SDHC: variants seen among roughly 807,000 people sequenced by gnomAD.
SDHC encodes succinate dehydrogenase complex subunit C, also known as succinate dehydrogenase cytochrome b560 subunit, mitochondrial.
SDHC carries 11 observed loss-of-function variants against 22.6 expected under a neutral mutation model. The observed-to-expected ratio is 0.49, with a 90% confidence interval of 0.31 to 0.81. The LOEUF (loss-of-function observed/expected upper bound fraction) is 0.81. Ranked by LOEUF, SDHC falls within the 30% of genes least tolerant of loss-of-function variation. The pLI, the probability that SDHC is intolerant of heterozygous loss-of-function variation, is 0.05. For missense variants in SDHC, 160 were observed against 212.0 expected (o/e 0.75, Z 1.52); for synonymous variants, 80 against 77.8 (o/e 1.03, Z -0.15).
chr1:161,350,304 G>A (rs1388114380), intron 4 of SDHC, among the ~76,000 whole-genome samples: 1 of 152,162 alleles, frequency 6.6e-6, no homozygotes, highest in East Asian at 1.9e-4. Flanking sequence ...GCCTACCTTG[G>A]CCTCCCAAAG....
intron 3 of SDHC, among the ~76,000 whole-genome samples, chr1:161,332,997 G>A (rs1671339069): frequency 6.6e-6 from 1 of 152,100 alleles, no homozygotes; most frequent in African/African-American, 2.4e-5. Flanking sequence ...ACCACCAATC[G>A]TTTGTCCCTC....
At chr1:161,333,350 G>T (rs1671352824) in intron 3 of SDHC, among the ~76,000 whole-genome samples, 1 of 151,176 alleles carries the variant, frequency 6.6e-6, no homozygotes, top group Non-Finnish European at 1.5e-5. Context: ...TTTCTCTTGG[G>T]TATATACCTA....
intron 3 of SDHC, among the ~76,000 whole-genome samples, chr1:161,333,086 A>G (rs767626548): frequency 6.6e-6 from 1 of 152,248 alleles, no homozygotes; most frequent in Admixed American, 6.5e-5. Flanking sequence ...ATGTAGTGAT[A>G]AAATATGTGG....
intron 4 of SDHC, among the ~76,000 whole-genome samples, chr1:161,347,658 G>A (rs1671948731): frequency 6.6e-6 from 1 of 151,854 alleles, no homozygotes; most frequent in Admixed American, 6.6e-5. Flanking sequence ...ACAAGGTCAA[G>A]AGATCAAGAC....
chr1:161,342,426 A>G (rs1671751864), intron 4 of SDHC, among the ~76,000 whole-genome samples: 1 of 152,190 alleles, frequency 6.6e-6, no homozygotes, highest in Non-Finnish European at 1.5e-5. Context: ...GGCAAAGGAA[A>G]ATGAGCTTAT....
Position 161,362,711 on chromosome 1 carries a change from A to G in SDHC, c.*278A>G, listed in dbSNP as rs1160822914. On this transcript the variant is annotated 3_prime_UTR_variant, in exon 6 of 6. Transcript: ENST00000367975. ...GCCTAGAAGCAGTTATTCTCTCTCC[A>G]TATTGGGCTTTGATTTGTGCTGAGG... is the stretch of plus-strand genomic sequence containing the variant. 7 of 600,846 alleles carry G rather than the reference A, an allele frequency of 1.2e-5. No homozygotes were observed. The highest frequency in any genetic ancestry group is 6.0e-5 in the South Asian group (3 of 50,312). The allele number at this position is 600,846 out of a possible 1,614,324, so 37.2% of individuals were successfully genotyped here.
At chr1:161,325,571 T>A (rs1161722022) in intron 2 of SDHC, among the ~76,000 whole-genome samples, 2 of 152,068 alleles carry the variant, frequency 1.3e-5, no homozygotes, top group Non-Finnish European at 2.9e-5. Flanking sequence ...TTCCAGCTAC[T>A]CGGGAAGCTG....
intron 3 of SDHC, among the ~76,000 whole-genome samples, chr1:161,338,646 G>A (rs1671584520): frequency 6.6e-6 from 1 of 152,134 alleles, no homozygotes. Flanking sequence ...CCAGAAGATT[G>A]GATATAAAAA....
chr1:161,336,487 T>C (rs918006761), intron 3 of SDHC, among the ~76,000 whole-genome samples: 1 of 151,826 alleles, frequency 6.6e-6, no homozygotes, highest in Non-Finnish European at 1.5e-5. Context: ...AGAATTATAA[T>C]GAAAAAGAGA....
At chr1:161,351,768 T>C (rs1398997080) in intron 4 of SDHC, among the ~76,000 whole-genome samples, 1 of 152,208 alleles carries the variant, frequency 6.6e-6, no homozygotes, top group Non-Finnish European at 1.5e-5. Context: ...ATGAGATTAG[T>C]GTGACAACAC....
At chr1:161,355,352 A>T in intron 4 of SDHC, among the ~76,000 whole-genome samples, 1 of 152,202 alleles carries the variant, frequency 6.6e-6, no homozygotes, top group East Asian at 1.9e-4. Context: ...TGTATTCTGG[A>T]TAAAAGTCCT....
intron 5 of SDHC, among the ~76,000 whole-genome samples, chr1:161,357,890 T>C (rs1449915455): frequency 2.0e-5 from 3 of 152,214 alleles, no homozygotes; most frequent in Non-Finnish European, 4.4e-5. Flanking sequence ...AGAGTAGTGC[T>C]TCTGACAGGA....
chr1:161,327,287 A>G (rs1671094036), intron 2 of SDHC, among the ~76,000 whole-genome samples: 1 of 152,238 alleles, frequency 6.6e-6, no homozygotes, highest in African/African-American at 2.4e-5. Flanking sequence ...CTGTGCCTAC[A>G]TGCGGGGGAC....
chr1:161,356,952 G>A (rs1218556747), intron 5 of SDHC, 112 bp downstream of exon 5: 1 of 1,129,800 alleles, frequency 8.9e-7, no homozygotes, highest in Non-Finnish European at 1.3e-6. Flanking sequence ...TTTCCCAAGA[G>A]TGGAGTCTCG....
At chr1:161,315,567 T>G (rs1670578139) in intron 1 of SDHC, among the ~76,000 whole-genome samples, 1 of 152,232 alleles carries the variant, frequency 6.6e-6, no homozygotes, top group South Asian at 2.1e-4. Context: ...TTGGTAAAAT[T>G]AACATTTAGT....
At chr1:161,329,746 T>C (rs1408555858) in intron 3 of SDHC, among the ~76,000 whole-genome samples, 2 of 152,228 alleles carry the variant, frequency 1.3e-5, no homozygotes, top group South Asian at 4.1e-4. Context: ...CAGGTCTCAT[T>C]AGGCTAAAAT....
intron 5 of SDHC, 103 bp from the exon 6 acceptor site, chr1:161,362,226 A>T (rs542065213): frequency 3.4e-5 from 47 of 1,365,498 alleles, no homozygotes; most frequent in Non-Finnish European, 4.8e-5. Flanking sequence ...AATCATGCTG[A>T]GAGGAGATAT....
intron 5 of SDHC, among the ~76,000 whole-genome samples, chr1:161,361,476 CTGAGAT>C (rs1162185984): frequency 6.6e-6 from 1 of 152,044 alleles, no homozygotes; most frequent in East Asian, 1.9e-4. Context: ...TAAAAAGATT[CTGAGAT>C]TGACTGTATC....
intron 4 of SDHC, among the ~76,000 whole-genome samples, chr1:161,342,902 T>C (rs1464049129): frequency 1.3e-5 from 2 of 152,188 alleles, no homozygotes; most frequent in East Asian, 1.9e-4. Flanking sequence ...TTTTACCTTA[T>C]GTAAAGCTCT....
Sources: allele counts gnomAD v4.1 joint callset (sites outside exome capture counted in the v4.1 genomes callset), GRCh38; gene constraint gnomAD v4.1.1; transcripts MANE v1.5; gene names NCBI Gene and HGNC (gene_info 2026-07-23, HGNC 2026-07-21).